Variants in RBFOX1 observed in about 807,000 individuals in gnomAD.
The protein encoded by RBFOX1 is RNA binding fox-1 homolog 1.
In RBFOX1, 8 loss-of-function variants were observed where a neutral mutation model predicts 57.7. That is an observed-to-expected ratio of 0.14 (90% CI 0.08 to 0.25). The LOEUF is 0.25. RBFOX1 is among the 10% of genes least tolerant of loss of function. The pLI, the probability that RBFOX1 is intolerant of heterozygous loss-of-function variation, is 1.00. For synonymous variants in RBFOX1, 326 were observed against 222.4 expected (o/e 1.47, Z -4.15); for missense variants, 611 against 548.5 (o/e 1.11, Z -1.14).
Position 5,856,575 on chromosome 16 carries a change from G to GTATATATATATATATATGTATATATA in RBFOX1, c.319-10711_319-10710insGTATATATATATATATATATATATAT, listed in dbSNP as rs2057071482. Among the ~76,000 whole-genome samples the GTATATATATATATATATGTATATATA allele has an allele frequency of 6.4e-4, 21 of 32,916 alleles. 2 individuals carry two copies. Among genetic ancestry groups the GTATATATATATATATATGTATATATA allele is most frequent in the African/African-American group, 2.4e-3 (19 of 7,950 alleles). 21.6% of individuals were successfully genotyped at this position (32,916 alleles called of 152,430 possible). ...TGTGTGTGTGTGTATGTGTGTGTGT[G>GTATATATATATATATATGTATATATA]TATATATATATATATATATATATAT... On this transcript the variant is annotated intron_variant, in intron 3 of 19. Coordinates refer to the RBFOX1 transcript ENST00000641259.
chr16:7,645,530 A>G (rs897689348), intron 11 of RBFOX1, among the ~76,000 whole-genome samples: 5 of 152,372 alleles, frequency 3.3e-5, no homozygotes, highest in African/African-American at 7.2e-5. Flanking sequence ...CTGCAGTTCA[A>G]TGGAATATGA....
intron 2 of RBFOX1, among the ~76,000 whole-genome samples, chr16:6,543,507 G>C (rs1288267872): frequency 6.6e-6 from 1 of 152,164 alleles, no homozygotes; most frequent in Non-Finnish European, 1.5e-5. Context: ...CCCTCTCTGA[G>C]ATCTTTCCGC....
intron 4 of RBFOX1, among the ~76,000 whole-genome samples, chr16:7,486,335 G>T (rs1031646263): frequency 6.6e-6 from 1 of 151,800 alleles, no homozygotes; most frequent in Non-Finnish European, 1.5e-5. Context: ...GTTTCACCAT[G>T]TTGGCCAGGC....
At chr16:6,415,712 A>C (rs1463829333) in intron 2 of RBFOX1, among the ~76,000 whole-genome samples, 1 of 152,160 alleles carries the variant, frequency 6.6e-6, no homozygotes, top group East Asian at 1.9e-4. Flanking sequence ...AACAAAAAAC[A>C]AAACAAACAG....
chr16:6,921,625 GTATA>G (rs146354998), intron 3 of RBFOX1, among the ~76,000 whole-genome samples: 3,862 of 135,210 alleles, frequency 0.029, 106 homozygotes, highest in East Asian at 0.075. Context: ...ATAAATTACT[GTATA>G]TATATATATA....
intron 4 of RBFOX1, among the ~76,000 whole-genome samples, chr16:5,882,013 A>G (rs2151919046): frequency 6.6e-6 from 1 of 152,314 alleles, no homozygotes; most frequent in South Asian, 2.1e-4. Context: ...TTACATACTT[A>G]ATCTCAATTA....
At chr16:6,421,066 A>T (rs2093758229) in intron 2 of RBFOX1, among the ~76,000 whole-genome samples, 1 of 152,116 alleles carries the variant, frequency 6.6e-6, no homozygotes. Context: ...CATAATTTAG[A>T]CTCCAATTTG....
intron 1 of RBFOX1, among the ~76,000 whole-genome samples, chr16:6,195,163 A>G (rs1478084415): frequency 6.6e-6 from 1 of 152,204 alleles, no homozygotes; most frequent in Non-Finnish European, 1.5e-5. Context: ...TAATCATACG[A>G]CATATTTTCC....
In RBFOX1 at chr16:6,879,548, A is replaced by G. The variant is rs544843795; in HGVS notation, c.-15-172509A>G. 2.0e-5 allele frequency among the ~76,000 whole-genome samples: 3 copies of G among 152,352 alleles called. No individual in the cohort carries two copies. In the South Asian group the frequency reaches 6.2e-4, roughly 32 times the overall value. ...AGTTAGGTTAATGAGATTATTCACT[A>G]TACAGGTAGATTCAACATAAGTTTC... On this transcript the variant is annotated intron_variant, in intron 3 of 15. Transcript: ENST00000550418.
At chr16:7,586,266 A>G (rs569181261) in intron 6 of RBFOX1, among the ~76,000 whole-genome samples, 1 of 152,278 alleles carries the variant, frequency 6.6e-6, no homozygotes, top group East Asian at 1.9e-4. Context: ...GTACTCAAGA[A>G]ATGGCCACAA....
At chr16:7,276,194 C>G (rs1465333910) in intron 4 of RBFOX1, among the ~76,000 whole-genome samples, 1 of 152,194 alleles carries the variant, frequency 6.6e-6, no homozygotes, top group African/African-American at 2.4e-5. Flanking sequence ...TGAAGTGAAG[C>G]TGCAGAGTGA....
rs577192118 is a variant in RBFOX1 at position 7,095,805 on chromosome 16, G to A, written c.27+43707G>A. ...CGGGAGACCGATCATGAGGTCAGGA[G>A]ATCGAGACCATCCTGGCTAACACGG... On this transcript the variant is annotated intron_variant, in intron 4 of 15. Transcript: ENST00000550418. 2.0e-5 allele frequency among the ~76,000 whole-genome samples: 3 copies of A among 152,234 alleles called. No homozygotes were observed. The South Asian group carries it at 6.2e-4, about 32-fold the overall frequency.
intron 4 of RBFOX1, among the ~76,000 whole-genome samples, chr16:7,064,345 T>A (rs1261976144): frequency 6.6e-6 from 1 of 151,940 alleles, no homozygotes; most frequent in Non-Finnish European, 1.5e-5. Flanking sequence ...ATTTTTGTAT[T>A]TTTAGTAGAG....
intron 3 of RBFOX1, among the ~76,000 whole-genome samples, chr16:6,976,122 G>A (rs192525241): frequency 2.4e-4 from 34 of 140,296 alleles, no homozygotes; most frequent in Non-Finnish European, 4.5e-4. Flanking sequence ...GTGAGACTCC[G>A]TCTCAAAAAG....
chr16:5,843,775 T>C (rs1182924325), intron 3 of RBFOX1, among the ~76,000 whole-genome samples: 1 of 152,200 alleles, frequency 6.6e-6, no homozygotes, highest in African/African-American at 2.4e-5. Context: ...GTTCAGAATA[T>C]AGATGCATCC....
intron 3 of RBFOX1, among the ~76,000 whole-genome samples, chr16:6,676,138 A>ACG (rs796482455): frequency 0.046 from 1,298 of 28,046 alleles, 17 homozygotes; most frequent in East Asian, 0.12. Context: ...ACACACACAC[A>ACG]CGCGCACACA....
chr16:5,424,875 T>TTTTCTTTCTTTCTTTC (rs71142619), intron 1 of RBFOX1, among the ~76,000 whole-genome samples: 12 of 76,828 alleles, frequency 1.6e-4, no homozygotes, highest in Non-Finnish European at 1.8e-4. Context: ...TCTTTCTTTT[T>TTTTCTTTCTTTCTTTC]TTTCTTTCTT....
At chr16:6,486,600 T>A (rs771755190) in intron 2 of RBFOX1, among the ~76,000 whole-genome samples, 2 of 151,282 alleles carry the variant, frequency 1.3e-5, no homozygotes, top group Non-Finnish European at 2.9e-5. Flanking sequence ...CCATCTTGTG[T>A]TGATTTTCTG....
intron 4 of RBFOX1, among the ~76,000 whole-genome samples, chr16:7,291,577 G>A (rs2095775379): frequency 1.3e-5 from 2 of 152,056 alleles, no homozygotes. Flanking sequence ...TAAATGGAAG[G>A]GAGGTGCTTC....
Sources: gnomAD v4.1 joint callset for allele counts (sites outside exome capture counted in the v4.1 genomes callset) on GRCh38, gnomAD v4.1.1 for gene constraint, MANE v1.5 for transcripts, NCBI Gene and HGNC (gene_info 2026-07-23, HGNC 2026-07-21) for gene names.